Variants in GLIS1 observed in about 807,000 individuals in gnomAD.
GLIS1 encodes zinc finger protein GLIS1.
GLIS1 carries 24 observed loss-of-function variants against 63.8 expected under a neutral mutation model. That is an observed-to-expected ratio of 0.38 (90% CI 0.27 to 0.53). The LOEUF is 0.53. Among genes scored for constraint, GLIS1 ranks in the 20% least tolerant of loss-of-function variants. GLIS1 has a pLI of 0.85. For synonymous variants in GLIS1, 450 were observed against 482.5 expected, an observed-to-expected ratio of 0.93 and a Z score of 0.88; for missense variants, 1,036 against 1,074.1, an observed-to-expected ratio of 0.96 and a Z score of 0.50.
intron 2 of GLIS1, among the ~76,000 whole-genome samples, chr1:53,696,083 GC>G (rs762125154): frequency 6.6e-6 from 1 of 152,220 alleles, no homozygotes; most frequent in Non-Finnish European, 1.5e-5. Context: ...AGTTACCCCT[GC>G]TTTACAAGGT....
intron 2 of GLIS1, among the ~76,000 whole-genome samples, chr1:53,647,593 T>A: frequency 6.6e-6 from 1 of 150,954 alleles, no homozygotes; most frequent in African/African-American, 2.5e-5. Context: ...ATCTAAATAC[T>A]AAATGTAAAA....
chr1:53,692,936 C>T (rs899412958), intron 2 of GLIS1, among the ~76,000 whole-genome samples: 2 of 152,216 alleles, frequency 1.3e-5, no homozygotes, highest in African/African-American at 4.8e-5. Context: ...AATGGACTCC[C>T]AGGGGCCCAT....
intron 7 of GLIS1, among the ~76,000 whole-genome samples, chr1:53,517,739 G>A (rs1183995477): frequency 9.9e-5 from 15 of 152,072 alleles, no homozygotes; most frequent in South Asian, 2.1e-4. Flanking sequence ...TCTGCAGCTC[G>A]TCCCTCACCC....
At chr1:53,600,946 T>G (rs368018322) in intron 2 of GLIS1, among the ~76,000 whole-genome samples, 14 of 152,226 alleles carry the variant, frequency 9.2e-5, no homozygotes, top group African/African-American at 3.4e-4. Flanking sequence ...AAGCAGTTGA[T>G]GTGAAAGTGC....
intron 2 of GLIS1, among the ~76,000 whole-genome samples, chr1:53,687,731 G>A (rs946130486): frequency 3.3e-5 from 5 of 152,204 alleles, no homozygotes; most frequent in African/African-American, 9.7e-5. Context: ...GGGACGGACA[G>A]TGGGCAGGAG....
At chr1:53,532,566 A>T (rs1429034887) in intron 4 of GLIS1, among the ~76,000 whole-genome samples, 1 of 152,248 alleles carries the variant, frequency 6.6e-6, no homozygotes, top group African/African-American at 2.4e-5. Flanking sequence ...GGCAGTAAAT[A>T]GGCTGCAAGC....
intron 3 of GLIS1, among the ~76,000 whole-genome samples, chr1:53,597,384 A>G (rs79649256): frequency 6.6e-6 from 1 of 151,198 alleles, no homozygotes; most frequent in African/African-American, 2.4e-5. Flanking sequence ...AAAAAAAAAA[A>G]AAGTGCTTGG....
chr1:53,584,562 G>C (rs953803649), intron 4 of GLIS1, among the ~76,000 whole-genome samples: 1 of 152,174 alleles, frequency 6.6e-6, no homozygotes, highest in African/African-American at 2.4e-5. Flanking sequence ...TGTACTCCTT[G>C]CTTCTAGCAC....
chr1:53,521,439 A>C (rs369237731), intron 6 of GLIS1, among the ~76,000 whole-genome samples: 3 of 151,744 alleles, frequency 2.0e-5, no homozygotes, highest in African/African-American at 7.3e-5. Flanking sequence ...ATCCCATCCT[A>C]CCTCTTCTTA....
chr1:53,620,736 A>C (rs1307202998), intron 2 of GLIS1, among the ~76,000 whole-genome samples: 1 of 152,148 alleles, frequency 6.6e-6, no homozygotes, highest in Non-Finnish European at 1.5e-5. Context: ...AAGAACACAA[A>C]AGAGCAGAAA....
At chr1:53,714,808 C>T (rs934272561) in intron 2 of GLIS1, among the ~76,000 whole-genome samples, 1 of 152,266 alleles carries the variant, frequency 6.6e-6, no homozygotes, top group African/African-American at 2.4e-5. Flanking sequence ...CACTTGGAGT[C>T]AGGGCCCACT....
At chr1:53,533,401 C>T (rs1644550553) in intron 4 of GLIS1, among the ~76,000 whole-genome samples, 1 of 152,234 alleles carries the variant, frequency 6.6e-6, no homozygotes, top group South Asian at 2.1e-4. Flanking sequence ...AGTACACCCC[C>T]TTACCCCAGT....
At chr1:53,658,567 G>C (rs1158409004) in intron 2 of GLIS1, among the ~76,000 whole-genome samples, 1 of 152,190 alleles carries the variant, frequency 6.6e-6, no homozygotes, top group Non-Finnish European at 1.5e-5. Flanking sequence ...AAGGCTACTG[G>C]GGCCTGGAAA....
chr1:53,554,284 G>T (rs911200460), intron 4 of GLIS1, among the ~76,000 whole-genome samples: 1 of 152,150 alleles, frequency 6.6e-6, no homozygotes, highest in African/African-American at 2.4e-5. Flanking sequence ...GAGGCAGGAC[G>T]ACCATGTGAG....
intron 2 of GLIS1, among the ~76,000 whole-genome samples, chr1:53,707,060 C>G (rs1297322401): frequency 6.6e-6 from 1 of 152,152 alleles, no homozygotes; most frequent in South Asian, 2.1e-4. Context: ...TCCCCCCGAC[C>G]CATTTTCCTC....
intron 2 of GLIS1, among the ~76,000 whole-genome samples, chr1:53,631,954 A>G (rs1263690209): frequency 6.6e-6 from 1 of 152,020 alleles, no homozygotes; most frequent in African/African-American, 2.4e-5. Flanking sequence ...AATAAAAGAG[A>G]GGTGTGTGAA....
chr1:53,553,674 G>A, intron 4 of GLIS1, among the ~76,000 whole-genome samples: 1 of 152,208 alleles, frequency 6.6e-6, no homozygotes. Flanking sequence ...ACTTGCAGGT[G>A]GTCAGGGAAG....
At chr1:53,674,273 C>T (rs981538937) in intron 2 of GLIS1, among the ~76,000 whole-genome samples, 1 of 151,888 alleles carries the variant, frequency 6.6e-6, no homozygotes, top group Non-Finnish European at 1.5e-5. Flanking sequence ...TGCTACCCAA[C>T]GTGTGGTCCA....
intron 2 of GLIS1, among the ~76,000 whole-genome samples, chr1:53,649,298 T>A (rs1410903288): frequency 6.6e-6 from 1 of 152,228 alleles, no homozygotes; most frequent in Admixed American, 6.5e-5. Context: ...AGATGCAGTA[T>A]TAAATCATAG....
Sources: gnomAD v4.1 joint callset for allele counts (sites outside exome capture counted in the v4.1 genomes callset) on GRCh38, gnomAD v4.1.1 for gene constraint, MANE v1.5 for transcripts, NCBI Gene and HGNC (gene_info 2026-07-23, HGNC 2026-07-21) for gene names.